Variants in HEATR3 observed in about 807,000 individuals in gnomAD.
The protein encoded by HEATR3 is HEAT repeat containing 3.
Under a neutral mutation model 72.8 loss-of-function variants are expected in HEATR3, and 56 were observed. That is an observed-to-expected ratio of 0.77 (90% CI 0.62 to 0.96). The LOEUF (loss-of-function observed/expected upper bound fraction) is 0.96, where lower values mean the gene tolerates loss of function less well. Ranked by LOEUF, HEATR3 falls within the 40% of genes least tolerant of loss-of-function variation. HEATR3 has a pLI of 0.00. For synonymous variants in HEATR3, 331 were observed against 318.1 expected, an observed-to-expected ratio of 1.04 and a Z score of -0.43; for missense variants, 747 against 831.4, an observed-to-expected ratio of 0.90 and a Z score of 1.25.
chr16:50,068,817 G>A lies in HEATR3; in HGVS notation c.349G>A (p.Asp117Asn). The A allele has an allele frequency of 1.2e-6, 2 of 1,614,016 alleles. No homozygotes were observed. Among genetic ancestry groups the A allele is most frequent in the Non-Finnish European group, 1.7e-6 (2 of 1,179,954 alleles). Residue 117 changes from aspartate to asparagine, a missense_variant, in exon 3 of 15, where the codon GAC becomes AAC. Around this residue, in one of 2 missense-constraint regions of HEATR3, gnomAD observed 586 missense variants for 708.8 expected, o/e 0.83. Coordinates refer to ENST00000299192, the MANE Select transcript of HEATR3 (RefSeq NM_182922.4). ...SACGGFEVCD[D>N]MVTKDIMTPL... ...TTGTGGAGGTTTTGAAGTTTGTGAT[G>A]ACATGGTGACTAAGGATATCATGAC...
intron 6 of HEATR3, 23 bp downstream of exon 6, chr16:50,075,734 A>G: frequency 1.3e-6 from 2 of 1,598,048 alleles, no homozygotes; most frequent in Non-Finnish European, 1.7e-6. Flanking sequence ...CTTACGGCAT[A>G]GTATATTGTT....
At chr16:50,104,851 G>C in intron 14 of HEATR3, 88 bp from the exon 15 acceptor site, 2 of 1,246,254 alleles carry the variant, frequency 1.6e-6, no homozygotes, top group Non-Finnish European at 2.2e-6. Flanking sequence ...TCAGCAAATG[G>C]TTAAATACAC....
chr16:50,068,586 G>A (rs1455692739), intron 2 of HEATR3, among the ~76,000 whole-genome samples, 194 bp from the exon 3 acceptor site: 1 of 152,298 alleles, frequency 6.6e-6, no homozygotes, highest in South Asian at 2.1e-4. Flanking sequence ...TGACAGCGTC[G>A]TCTGTTTATA....
intron 14 of HEATR3, among the ~76,000 whole-genome samples, chr16:50,103,720 A>G (rs2037417651): frequency 1.3e-5 from 2 of 152,186 alleles, no homozygotes; most frequent in South Asian, 2.1e-4. Context: ...CTCAGATTCC[A>G]TACAATTGAT....
At position 50,072,597 on chromosome 16, in the gene HEATR3, C is replaced by A; in HGVS notation, c.513-8C>A. 3 of 1,563,108 alleles carry A rather than the reference C, an allele frequency of 1.9e-6. No homozygotes were observed. The highest frequency in any genetic ancestry group is 2.6e-6 in the Non-Finnish European group (3 of 1,137,998). The stretch of plus-strand genomic sequence containing the variant: ...ATAGTAAAACTTTTTTTTCCCCCTT[C>A]AATTTAGTGAATGCAGTAGTAGAGC... On this transcript the variant is annotated splice_polypyrimidine_tract_variant and splice_region_variant and intron_variant, in intron 4 of 14. Transcript: ENST00000299192.
intron 7 of HEATR3, among the ~76,000 whole-genome samples, chr16:50,083,141 GA>G (rs77921917): frequency 0.089 from 13,290 of 150,004 alleles, 677 homozygotes; most frequent in East Asian, 0.26. Context: ...CTCTAAGGGG[GA>G]AAAAAAAAGA....
chr16:50,097,066 A>AT (rs1480003590), intron 12 of HEATR3, among the ~76,000 whole-genome samples: 42 of 152,212 alleles, frequency 2.8e-4, no homozygotes, highest in African/African-American at 9.6e-4. Flanking sequence ...GGTCCAGATT[A>AT]TTTATTTATT....
intron 14 of HEATR3, among the ~76,000 whole-genome samples, chr16:50,103,837 GA>G (rs747516809): frequency 9.9e-4 from 151 of 152,206 alleles, no homozygotes; most frequent in Admixed American, 1.6e-3. Context: ...ACCAGCCTGG[GA>G]AACATAGCAA....
chr16:50,066,468 C>G lies in HEATR3; in HGVS notation c.240C>G (p.Ala80=), dbSNP rs1352244135. 8.9e-6 allele frequency: 12 copies of G among 1,355,196 alleles called. No homozygotes were observed. The highest frequency in any genetic ancestry group is 1.1e-5 in the Non-Finnish European group (12 of 1,061,156). The allele number at this position is 1,355,196 out of a possible 1,614,324, so 83.9% of individuals were successfully genotyped here. A position where few individuals can be genotyped will look rare whatever the true frequency, so the allele number is the denominator to read the frequency against. The change falls in exon 2 of 15, where the codon GCC becomes GCG. Residue 80 remains alanine (A), a synonymous_variant. Coordinates refer to ENST00000299192, the MANE Select transcript of HEATR3 (RefSeq NM_182922.4). ...PALPGLARRD[A]VRRLGPLLLD... is the part of the protein sequence containing the mutation. Reference sequence around the variant, plus strand: ...TCCCGGGCCTGGCGCGACGAGACGCCGTGCGCCGCCTCGGGCCGCTGCTGC... The same window carrying G: ...TCCCGGGCCTGGCGCGACGAGACGCGGTGCGCCGCCTCGGGCCGCTGCTGC...
chr16:50,086,444 C>T (rs776716594), intron 11 of HEATR3, 93 bp downstream of exon 11: 8 of 1,340,138 alleles, frequency 6.0e-6, no homozygotes, highest in Non-Finnish European at 7.0e-6. Flanking sequence ...TGTTTGTCAT[C>T]CAATGTGCAG....
chr16:50,098,611 G>A (rs1014752373), intron 12 of HEATR3, among the ~76,000 whole-genome samples: 2 of 151,870 alleles, frequency 1.3e-5, no homozygotes, highest in South Asian at 2.1e-4. Context: ...AGCCAAGATC[G>A]GGCCACTGTA....
chr16:50,066,678 C>A, intron 2 of HEATR3, 139 bp downstream of exon 2: 2 of 786,034 alleles, frequency 2.5e-6, no homozygotes, highest in Non-Finnish European at 3.5e-6. Flanking sequence ...AGATTTGAAG[C>A]CAGTCTCCAG....
In HEATR3 at chr16:50,068,779, G is replaced by T; in HGVS notation, c.312-1G>T. The T allele has an allele frequency of 6.2e-7, 1 of 1,611,600 alleles. No individual in the cohort carries two copies. Among genetic ancestry groups the T allele is most frequent in the Non-Finnish European group, 8.5e-7 (1 of 1,177,924 alleles). On this transcript the variant is annotated splice_acceptor_variant, in intron 2 of 14. Transcript: ENST00000299192. LOFTEE classifies it high-confidence loss of function. ...AAACATGTTTTAAACTTCTTGTGTA[G>T]AAATCTCAGTGCTTGTGGAGGTTTT...
At chr16:50,086,701 G>A (rs573280606) in intron 11 of HEATR3, among the ~76,000 whole-genome samples, 25 of 152,228 alleles carry the variant, frequency 1.6e-4, no homozygotes, top group Middle Eastern at 3.4e-3. Flanking sequence ...AGGCCGAGGC[G>A]GGAGGATCAC....
At position 50,106,366 on chromosome 16, in the gene HEATR3, ATAAACAACTTTTTAAT is replaced by A. The variant is rs1158113263; in HGVS notation, c.*1306_*1321del. ...CAGAATTGGGAGAAGGTATTTTTAA[ATAAACAACTTTTTAAT>A]GGAAAGTTTTGTGTCTTACAAAATC... On this transcript the variant is annotated 3_prime_UTR_variant, in exon 15 of 15. Transcript: ENST00000299192. The A allele has an allele frequency of 6.6e-6, 1 of 152,188 alleles. No homozygotes were observed. Among genetic ancestry groups the A allele is most frequent in the Non-Finnish European group, 1.5e-5 (1 of 68,048 alleles). 9.4% of individuals were successfully genotyped at this position (152,188 alleles called of 1,614,324 possible).
intron 11 of HEATR3, among the ~76,000 whole-genome samples, chr16:50,092,107 C>T (rs996008764): frequency 7.9e-5 from 12 of 151,930 alleles, no homozygotes; most frequent in East Asian, 5.8e-4. Flanking sequence ...GATGCTGAGG[C>T]GGGTGGATTG....
At chr16:50,100,502 C>T (rs1194888858) in intron 13 of HEATR3, 129 bp downstream of exon 13, 13 of 853,446 alleles carry the variant, frequency 1.5e-5, no homozygotes, top group Admixed American at 2.5e-5. Flanking sequence ...TTTATTGAGT[C>T]ATATTATTAG....
intron 11 of HEATR3, among the ~76,000 whole-genome samples, chr16:50,092,919 G>T (rs1488709450): frequency 6.6e-6 from 1 of 152,208 alleles, no homozygotes; most frequent in African/African-American, 2.4e-5. Context: ...AAAGCAGAAT[G>T]ATATGAGGCG....
chr16:50,083,225 G>A (rs1330515738), intron 7 of HEATR3, among the ~76,000 whole-genome samples: 4 of 152,130 alleles, frequency 2.6e-5, no homozygotes, highest in Non-Finnish European at 5.9e-5. Context: ...TACTGTTTTG[G>A]AATATCAGTA....
Sources: allele counts gnomAD v4.1 joint callset (sites outside exome capture counted in the v4.1 genomes callset), GRCh38; gene constraint gnomAD v4.1.1; regional missense constraint gnomAD v4.1.1; transcripts MANE v1.5; gene names NCBI Gene and HGNC (gene_info 2026-07-23, HGNC 2026-07-21).